Variants in FANCA observed in about 807,000 individuals in gnomAD.
FANCA encodes the protein Fanconi anemia group A protein.
A neutral mutation model predicts 194.3 loss-of-function variants in FANCA; 236 were observed. The observed-to-expected ratio is 1.21, with a 90% CI of 1.09 to 1.35. The LOEUF is 1.35. FANCA is among the 40% of genes most tolerant of loss of function. The pLI is 0.00. For missense variants in FANCA, 2,628 were observed against 1,813.9 expected, an observed-to-expected ratio of 1.45 and a Z score of -8.15; for synonymous variants, 1,014 against 715.8, an observed-to-expected ratio of 1.42 and a Z score of -6.65.
At chr16:89,808,935 G>A (rs11076630) in intron 5 of FANCA, among the ~76,000 whole-genome samples, 69,252 of 148,886 alleles carry the variant, frequency 0.47, 17,335 homozygotes, top group East Asian at 0.98. Flanking sequence ...AGACAGAGTC[G>A]CGCTCTGTCA....
intron 28 of FANCA, chr16:89,762,927 C>G (rs915982982): frequency 1.0e-5 from 2 of 191,434 alleles, no homozygotes; most frequent in African/African-American, 4.9e-5. Context: ...ACGGTGAAAC[C>G]CTGTTTCTAC....
intron 28 of FANCA, among the ~76,000 whole-genome samples, chr16:89,763,465 T>A (rs897227283): frequency 2.0e-5 from 3 of 151,854 alleles, no homozygotes; most frequent in African/African-American, 7.3e-5. Flanking sequence ...CATGAGCCAC[T>A]GTGCCCAGCC....
chr16:89,769,943 C>T lies in FANCA; in HGVS notation c.2398G>A (p.Glu800Lys). 1 of 1,614,064 alleles carries T rather than the reference C, an allele frequency of 6.2e-7. No individual in the cohort carries two copies. The highest frequency in any genetic ancestry group is 8.5e-7 in the Non-Finnish European group (1 of 1,180,002). ...HLGESRSALP[E>K]VDVGPPAPGA... ...GGTGCAGGAGGACCCACATCCACCT[C>T]TGGGAGCGCAGACCTGGACTCACCC... is the stretch of plus-strand genomic sequence containing the variant. Residue 800 changes from glutamate to lysine, a missense_variant, in exon 26 of 43, where the codon GAG becomes AAG. By Grantham distance (56) the Glu-to-Lys change is moderately conservative. Coordinates refer to ENST00000389301, the MANE Select transcript of FANCA (RefSeq NM_000135.4).
At chr16:89,800,087 A>G (rs771705833) in intron 8 of FANCA, among the ~76,000 whole-genome samples, 1 of 152,262 alleles carries the variant, frequency 6.6e-6, no homozygotes, top group Non-Finnish European at 1.5e-5. Flanking sequence ...GGACCTAGAC[A>G]GAGTGAAAAG....
rs1392502645 is a variant in FANCA at position 89,739,252 on chromosome 16, C to T, written c.4048G>A (p.Glu1350Lys). Residue 1350 changes from glutamate (E) to lysine (K), a missense_variant, in exon 41 of 43, where the codon GAA becomes AAA. Coordinates refer to ENST00000389301, the MANE Select transcript of FANCA (RefSeq NM_000135.4). ...SYFHEDAAIR[E>K]EAFLHVAVDM... ...ACAGCAACATGCAGGAAGGCCTCTT[C>T]CCTGATGGCCGCGTCTTCATGGAAG... The T allele has an allele frequency of 6.2e-7, 1 of 1,614,044 alleles. No individual in the cohort carries two copies. The highest frequency in any genetic ancestry group is 1.3e-5 in the African/African-American group (1 of 74,936).
rs771174892 is a variant in FANCA at position 89,749,860 on chromosome 16, G to T, written c.3109C>A (p.Pro1037Thr). Residue 1037 changes from proline (P) to threonine (T), a missense_variant, in exon 32 of 43, where the codon CCT (proline) becomes ACT (threonine). Coordinates refer to ENST00000389301, the MANE Select transcript of FANCA (RefSeq NM_000135.4). ...DLELQQDLIV[P>T]LGHTPSQEHF... ...TCCTGGGAAGGGGTGTGGCCGAGAG[G>T]CACTATGAGGTCTTGCTGCAGCTCC... is the stretch of plus-strand genomic sequence containing the variant. The T allele has an allele frequency of 3.2e-5, 51 of 1,614,084 alleles. No individual in the cohort carries two copies. The highest frequency in any genetic ancestry group is 4.2e-5 in the Non-Finnish European group (49 of 1,180,036).
At position 89,738,678 on chromosome 16, in the gene FANCA, C is replaced by T. The variant is rs1567591125; in HGVS notation, c.4291G>A (p.Glu1431Lys). The T allele has an allele frequency of 6.2e-7, 1 of 1,613,980 alleles. No homozygotes were observed. Among genetic ancestry groups the T allele is most frequent in the Non-Finnish European group, 8.5e-7 (1 of 1,180,024 alleles). The change falls in exon 43 of 43, where the codon GAG becomes AAG. Residue 1431 changes from glutamate to lysine, a missense_variant. Glu to Lys is a moderately conservative substitution (Grantham distance 56). Transcript: ENST00000389301. Reference sequence around the variant, plus strand: ...CTGCTCTGGAGGGCGGCGCTCACCTCTGGGTCGCAGTCCCCACGATCAGCC... The same window carrying T: ...CTGCTCTGGAGGGCGGCGCTCACCTTTGGGTCGCAGTCCCCACGATCAGCC... ...LLADRGDCDP[E>K]VSAALQSRQQ...
At chr16:89,788,555 C>T (rs986583670) in intron 14 of FANCA, among the ~76,000 whole-genome samples, 7 of 152,128 alleles carry the variant, frequency 4.6e-5, no homozygotes, top group African/African-American at 1.7e-4. Context: ...TCCAGTACTT[C>T]GGGGGTTAAG....
At chr16:89,791,736 C>A (rs2040082861) in intron 13 of FANCA, 191 bp downstream of exon 13, 3 of 954,912 alleles carry the variant, frequency 3.1e-6, no homozygotes, top group South Asian at 1.5e-5. Flanking sequence ...GACACTCTGG[C>A]CTCTCAGAGC....
chr16:89,738,752 C>T (rs2062034183), intron 42 of FANCA, 44 bp from the exon 43 acceptor site: 1 of 1,612,590 alleles, frequency 6.2e-7, no homozygotes, highest in African/African-American at 1.3e-5. Flanking sequence ...GCCCACTAGG[C>T]CTCAGACCAC....
At chr16:89,779,730 GC>G in intron 18 of FANCA, 138 bp downstream of exon 18, 1 of 757,200 alleles carries the variant, frequency 1.3e-6, no homozygotes, top group Non-Finnish European at 2.3e-6. Context: ...ACTCCAAAGA[GC>G]CCCAGACGCT....
intron 5 of FANCA, among the ~76,000 whole-genome samples, chr16:89,809,777 C>T (rs574765205): frequency 1.0e-4 from 15 of 150,740 alleles, no homozygotes; most frequent in Admixed American, 4.6e-4. Context: ...GGCGTGAACC[C>T]GGGAGGCGGA....
intron 8 of FANCA, among the ~76,000 whole-genome samples, chr16:89,800,632 T>C (rs1244318137): frequency 1.3e-5 from 2 of 152,018 alleles, no homozygotes; most frequent in East Asian, 1.9e-4. Flanking sequence ...CTATAGAATA[T>C]AGAAATCACA....
intron 3 of FANCA, among the ~76,000 whole-genome samples, chr16:89,814,148 A>C (rs1405946494): frequency 6.6e-6 from 1 of 152,076 alleles, no homozygotes; most frequent in African/African-American, 2.4e-5. Context: ...CCCACTCTCA[A>C]ACTGGGGGGA....
intron 27 of FANCA, 39 bp downstream of exon 27, chr16:89,767,102 G>GT (rs776483988): frequency 4.5e-5 from 67 of 1,499,064 alleles, no homozygotes; most frequent in Non-Finnish European, 6.0e-5. Flanking sequence ...AACCTGAAAC[G>GT]TATGGCAGAA....
intron 8 of FANCA, among the ~76,000 whole-genome samples, chr16:89,802,347 C>G (rs1214983095): frequency 6.6e-6 from 1 of 151,882 alleles, no homozygotes; most frequent in Non-Finnish European, 1.5e-5. Flanking sequence ...AGGGGATCCA[C>G]CAGTCTCAGC....
intron 17 of FANCA, among the ~76,000 whole-genome samples, chr16:89,782,499 G>C (rs1161937352): frequency 6.7e-6 from 1 of 149,418 alleles, no homozygotes; most frequent in Non-Finnish European, 1.5e-5. Context: ...GACAGACCAA[G>C]ACTGCATCTC....
intron 14 of FANCA, among the ~76,000 whole-genome samples, chr16:89,786,020 T>C (rs2039885314): frequency 1.4e-5 from 2 of 144,878 alleles, no homozygotes; most frequent in Non-Finnish European, 3.0e-5. Flanking sequence ...CAGCTATTTT[T>C]TTTTTTTTTT....
rs1477365786 is a variant in FANCA at position 89,810,231 on chromosome 16, G to A, written c.522+476C>T. 3.3e-5 allele frequency among the ~76,000 whole-genome samples: 5 copies of A among 151,058 alleles called. No homozygotes were observed. In the Admixed American group the frequency reaches 3.3e-4, roughly 10 times the overall value. On this transcript the variant is annotated intron_variant, in intron 5 of 42. Coordinates refer to ENST00000389301, the MANE Select transcript of FANCA (RefSeq NM_000135.4). ...CCAGCTACTCGGGAGGCTGAGGCAG[G>A]AGAATGGCGTGAACCTGGGAGGTGG...
Sources: allele counts gnomAD v4.1 joint callset (sites outside exome capture counted in the v4.1 genomes callset), GRCh38; gene constraint gnomAD v4.1.1; transcripts MANE v1.5; gene names NCBI Gene and HGNC (gene_info 2026-07-23, HGNC 2026-07-21).